The following DHRS7B variants were observed in gnomAD, a reference collection of about 807,000 sequenced individuals.
The protein encoded by DHRS7B is peroxisomal reductase activating PPAR-gamma.
A neutral mutation model predicts 26.4 loss-of-function variants in DHRS7B; 24 were observed. The ratio of observed to expected loss-of-function variants is 0.91; its 90% CI spans 0.66 to 1.28. DHRS7B has a LOEUF of 1.28. Ranked by LOEUF, DHRS7B falls within the 50% of genes most tolerant of loss-of-function variation. The pLI, the probability that DHRS7B is intolerant of heterozygous loss-of-function variation, is 0.00. For synonymous variants in DHRS7B, 142 were observed against 166.4 expected (o/e 0.85, Z 1.13); for missense variants, 368 against 419.4 (o/e 0.88, Z 1.07).
At chr17:21,189,574 C>T (rs1293307774) in intron 6 of DHRS7B, among the ~76,000 whole-genome samples, 1 of 152,238 alleles carries the variant, frequency 6.6e-6, no homozygotes, top group Non-Finnish European at 1.5e-5. Flanking sequence ...GCTGTGATGT[C>T]TGCCAGGGGC....
intron 1 of DHRS7B, among the ~76,000 whole-genome samples, chr17:21,138,099 T>TACACACACACACACACACAC (rs1449609485): frequency 5.7e-5 from 5 of 87,676 alleles, no homozygotes; most frequent in African/African-American, 1.6e-4. Flanking sequence ...TATATATATA[T>TACACACACACACACACACAC]ATACACACAC....
At chr17:21,166,112 T>C in intron 1 of DHRS7B, 1 of 981,910 alleles carries the variant, frequency 1.0e-6, no homozygotes, top group Non-Finnish European at 1.2e-6. Context: ...GGCTGGGCTT[T>C]GGCACCTTTC....
At chr17:21,130,423 C>T (rs12452369) in intron 1 of DHRS7B, among the ~76,000 whole-genome samples, 52,783 of 151,952 alleles carry the variant, frequency 0.35, 10,534 homozygotes, top group Non-Finnish European at 0.44. Flanking sequence ...AATAAACTTA[C>T]GTATGTATGT....
At chr17:21,146,998 A>G (rs1481058718) in intron 1 of DHRS7B, among the ~76,000 whole-genome samples, 1 of 152,206 alleles carries the variant, frequency 6.6e-6, no homozygotes. Context: ...GAAAGTTTCT[A>G]ATTGCCGTGC....
intron 3 of DHRS7B, 88 bp from the exon 4 acceptor site, chr17:21,183,505 AT>A: frequency 8.2e-7 from 1 of 1,223,096 alleles, no homozygotes. Flanking sequence ...AAGTTACATT[AT>A]TGTTTTGAGG....
chr17:21,130,235 A>G (rs575483726), intron 1 of DHRS7B, among the ~76,000 whole-genome samples: 48 of 152,256 alleles, frequency 3.2e-4, no homozygotes, highest in African/African-American at 1.0e-3. Flanking sequence ...CGTCTCTATT[A>G]AAAATACAAA....
intron 6 of DHRS7B, 51 bp downstream of exon 6, chr17:21,188,914 G>C: frequency 6.2e-7 from 1 of 1,606,836 alleles, no homozygotes; most frequent in African/African-American, 1.3e-5. Context: ...GTCAGCCACA[G>C]TGAGACATGC....
At chr17:21,150,125 A>AAAC (rs1567619810) in intron 1 of DHRS7B, among the ~76,000 whole-genome samples, 2 of 150,050 alleles carry the variant, frequency 1.3e-5, no homozygotes, top group Non-Finnish European at 3.0e-5. Context: ...AAAAAAAAAA[A>AAAC]AAAAAAACTA....
intron 3 of DHRS7B, 121 bp downstream of exon 3, chr17:21,178,463 C>T (rs1974436374): frequency 1.8e-5 from 14 of 781,936 alleles, no homozygotes; most frequent in Middle Eastern, 3.7e-4. Flanking sequence ...CACACTGTCC[C>T]AGGGAAGGCA....
intron 1 of DHRS7B, among the ~76,000 whole-genome samples, chr17:21,150,388 G>T (rs140538171): frequency 6.6e-6 from 1 of 151,878 alleles, no homozygotes; most frequent in Non-Finnish European, 1.5e-5. Flanking sequence ...AGGCTGAGGC[G>T]GGTGGATCAC....
intron 1 of DHRS7B, chr17:21,127,329 T>G: frequency 6.7e-6 from 2 of 298,378 alleles, no homozygotes; most frequent in Non-Finnish European, 1.2e-5. Flanking sequence ...AACCTGTTTA[T>G]TCCCACATTT....
intron 1 of DHRS7B, among the ~76,000 whole-genome samples, chr17:21,132,009 G>A (rs375936977): frequency 6.6e-6 from 1 of 152,166 alleles, no homozygotes; most frequent in Non-Finnish European, 1.5e-5. Flanking sequence ...ATGTTCAATT[G>A]TTGCTTAGAA....
chr17:21,179,161 C>T (rs1974457500), intron 3 of DHRS7B, among the ~76,000 whole-genome samples: 1 of 152,134 alleles, frequency 6.6e-6, no homozygotes. Flanking sequence ...CTATGTTGCC[C>T]AGATTGGTCT....
chr17:21,185,747 G>A (rs1195694470), intron 5 of DHRS7B, among the ~76,000 whole-genome samples: 3 of 151,980 alleles, frequency 2.0e-5, no homozygotes, highest in African/African-American at 7.3e-5. Flanking sequence ...GAGTGCAGTA[G>A]TGCGATCTCG....
At chr17:21,160,879 T>TA (rs201581216) in intron 1 of DHRS7B, among the ~76,000 whole-genome samples, 80 of 151,014 alleles carry the variant, frequency 5.3e-4, no homozygotes, top group Admixed American at 1.6e-3. Context: ...TATTCAGTAC[T>TA]AAAAAAAAAT....
At position 21,184,408 on chromosome 17, in the gene DHRS7B, C is replaced by T. The variant is rs771175775; in HGVS notation, c.564C>T (p.His188=). 2 of 1,614,260 alleles carry T rather than the reference C, an allele frequency of 1.2e-6. No homozygotes were observed. The highest frequency in any genetic ancestry group is 1.1e-5 in the South Asian group (1 of 91,090). The change falls in exon 5 of 7, where the codon CAC becomes CAT. Residue 188 remains histidine (H), a synonymous_variant. Coordinates refer to ENST00000395511, the MANE Select transcript of DHRS7B (RefSeq NM_015510.5). ...LPSMIKRRQG[H]IVAISSIQGK... is the part of the protein sequence containing the mutation. ...CCATGATCAAGAGGAGGCAAGGCCA[C>T]ATTGTCGCCATCAGCAGCATCCAGG...
intron 1 of DHRS7B, among the ~76,000 whole-genome samples, chr17:21,161,453 C>A (rs1973998561): frequency 6.6e-6 from 1 of 152,076 alleles, no homozygotes; most frequent in Non-Finnish European, 1.5e-5. Context: ...AACTATCCTT[C>A]AAAATTGAAG....
intron 2 of DHRS7B, among the ~76,000 whole-genome samples, chr17:21,178,023 G>A (rs530948409): frequency 1.3e-5 from 2 of 152,332 alleles, no homozygotes; most frequent in African/African-American, 4.8e-5. Flanking sequence ...TGTCCACCTC[G>A]GCCCTCCTTT....
intron 1 of DHRS7B, among the ~76,000 whole-genome samples, chr17:21,156,975 T>C (rs1313723262): frequency 1.4e-5 from 2 of 148,048 alleles, no homozygotes; most frequent in African/African-American, 5.0e-5. Context: ...CTAGATGAAA[T>C]AGACCAATTC....
Sources: allele counts gnomAD v4.1 joint callset (sites outside exome capture counted in the v4.1 genomes callset), GRCh38; gene constraint gnomAD v4.1.1; transcripts MANE v1.5; gene names NCBI Gene and HGNC (gene_info 2026-07-23, HGNC 2026-07-21).